ATG16L1: variants seen among roughly 807,000 people sequenced by gnomAD.
ATG16L1 encodes autophagy-related protein 16-1.
In ATG16L1, 37 loss-of-function variants were observed where a neutral mutation model predicts 88.5. That is an observed-to-expected ratio of 0.42 (90% CI 0.32 to 0.55). The LOEUF (loss-of-function observed/expected upper bound fraction) is 0.55. Among genes scored for constraint, ATG16L1 ranks in the 20% least tolerant of loss-of-function variants. The probability of loss-of-function intolerance (pLI) is 0.13; values close to 1 mark genes in which losing one functional copy is unlikely to be tolerated. For synonymous variants in ATG16L1, 301 were observed against 281.0 expected (o/e 1.07, Z -0.71); for missense variants, 554 against 752.8 (o/e 0.74, Z 3.09).
intron 5 of ATG16L1, among the ~76,000 whole-genome samples, chr2:233,267,357 A>G (rs1258575362): frequency 6.6e-6 from 1 of 152,206 alleles, no homozygotes; most frequent in Non-Finnish European, 1.5e-5. Context: ...TCAAAAGCAA[A>G]ACGAAAAGAA....
intron 12 of ATG16L1, among the ~76,000 whole-genome samples, chr2:233,287,568 TA>T (rs1699168292): frequency 6.6e-6 from 1 of 152,324 alleles, no homozygotes; most frequent in Admixed American, 6.5e-5. Context: ...GAAATTTTGA[TA>T]AAATAGTTAT....
At chr2:233,275,646 G>T (rs191490563) in intron 9 of ATG16L1, 8 of 477,392 alleles carry the variant, frequency 1.7e-5, no homozygotes, top group African/African-American at 1.2e-4. Context: ...TTTGGAGGAG[G>T]AGTTGGGATG....
intron 6 of ATG16L1, among the ~76,000 whole-genome samples, chr2:233,270,815 A>G (rs1158709355): frequency 6.6e-6 from 1 of 152,202 alleles, no homozygotes; most frequent in African/African-American, 2.4e-5. Context: ...TAGTGGTAGA[A>G]AAGAGTTTCC....
chr2:233,278,192 C>T (rs1698500341), intron 10 of ATG16L1, among the ~76,000 whole-genome samples: 1 of 152,134 alleles, frequency 6.6e-6, no homozygotes, highest in Non-Finnish European at 1.5e-5. Flanking sequence ...GACGAGGGCC[C>T]TTAGATCAAG....
At chr2:233,253,340 G>T (rs7603653) in intron 1 of ATG16L1, among the ~76,000 whole-genome samples, 49,626 of 108,310 alleles carry the variant, frequency 0.46, 11,528 homozygotes, top group South Asian at 0.54. Context: ...GGGTTTTTTT[G>T]TTTTTTTTTT....
chr2:233,263,318 C>A (rs1697346170), intron 3 of ATG16L1, 83 bp downstream of exon 3: 2 of 1,237,080 alleles, frequency 1.6e-6, no homozygotes, highest in Non-Finnish European at 2.3e-6. Context: ...CACTTCTCAC[C>A]AGAATTGGCA....
chr2:233,271,305 T>C (rs1559391697), intron 6 of ATG16L1, among the ~76,000 whole-genome samples: 1 of 152,206 alleles, frequency 6.6e-6, no homozygotes, highest in Non-Finnish European at 1.5e-5. Flanking sequence ...TGAGATGGAG[T>C]TTCACTCTTG....
At chr2:233,280,811 C>G (rs1698674215) in intron 10 of ATG16L1, among the ~76,000 whole-genome samples, 1 of 152,120 alleles carries the variant, frequency 6.6e-6, no homozygotes, top group South Asian at 2.1e-4. Context: ...TTTATAAATT[C>G]CTACACTTTG....
In ATG16L1 at chr2:233,274,504, G is replaced by A. The variant is rs113960491; in HGVS notation, c.852-172G>A. On this transcript the variant is annotated intron_variant, in intron 8 of 17. Transcript: ENST00000392017. Reference sequence around the variant, plus strand: ...TGGCTCTCTTTCTCATTTGAGTGAGGGTGCTTTTGATTTTTTTGTGAATTG... The same window carrying A: ...TGGCTCTCTTTCTCATTTGAGTGAGAGTGCTTTTGATTTTTTTGTGAATTG... 610 of 528,010 alleles carry A rather than the reference G, an allele frequency of 1.2e-3. 1 individual carries two copies. The highest frequency in any genetic ancestry group is 1.1e-3 in the Non-Finnish European group (318 of 295,680). 32.7% of individuals were successfully genotyped at this position (528,010 alleles called of 1,614,324 possible).
intron 10 of ATG16L1, among the ~76,000 whole-genome samples, chr2:233,279,933 T>C (rs1698615379): frequency 6.6e-6 from 1 of 152,248 alleles, no homozygotes; most frequent in Admixed American, 6.5e-5. Context: ...GAGATATTTC[T>C]TAGAATTTGC....
Position 233,256,168 on chromosome 2 carries a change from A to G in ATG16L1, c.182A>G (p.His61Arg), listed in dbSNP as rs754870237. 3.1e-6 allele frequency: 5 copies of G among 1,614,180 alleles called. No homozygotes were observed. The highest frequency in any genetic ancestry group is 4.5e-5 in the East Asian group (2 of 44,874). Residue 61 changes from histidine to arginine, a missense_variant, in exon 2 of 18, where the codon CAT (histidine) becomes CGT (arginine). This residue lies in a region of ATG16L1 where 101 missense variants were observed against 107.0 expected (regional missense o/e 0.94). Transcript: ENST00000392017. ...GCCCAGAAACTACAGGCTGAAAAGC[A>G]TGACGTACCAAACAGGCACGAGATA... ...VLAQKLQAEKHDVPNRHEISP... is the reference protein window; with the variant it reads ...VLAQKLQAEKRDVPNRHEISP...
At chr2:233,292,092 C>A in intron 14 of ATG16L1, 36 bp from the exon 15 acceptor site, 1 of 1,607,332 alleles carries the variant, frequency 6.2e-7, no homozygotes, top group South Asian at 1.1e-5. Context: ...TAGTTCTGGC[C>A]TACGTTACAT....
chr2:233,259,134 T>C (rs1697020162), intron 2 of ATG16L1, among the ~76,000 whole-genome samples: 1 of 152,022 alleles, frequency 6.6e-6, no homozygotes, highest in African/African-American at 2.4e-5. Context: ...GGAGAACAGG[T>C]CTCAAATCCA....
chr2:233,263,007 A>T (rs765847294), intron 2 of ATG16L1, 123 bp from the exon 3 acceptor site: 1 of 835,578 alleles, frequency 1.2e-6, no homozygotes, highest in Non-Finnish European at 2.0e-6. Context: ...CGAATGGTTT[A>T]TTGGCTTTGT....
At chr2:233,278,566 A>G (rs1698528730) in intron 10 of ATG16L1, among the ~76,000 whole-genome samples, 2 of 152,350 alleles carry the variant, frequency 1.3e-5, no homozygotes, top group South Asian at 2.1e-4. Context: ...AAACTCAGAT[A>G]CTACGTGATT....
At chr2:233,254,914 TG>T (rs1475949385) in intron 1 of ATG16L1, among the ~76,000 whole-genome samples, 1 of 152,184 alleles carries the variant, frequency 6.6e-6, no homozygotes, top group Non-Finnish European at 1.5e-5. Flanking sequence ...TACCCACATC[TG>T]ATCTTACTGG....
chr2:233,258,775 C>T (rs6431661), intron 2 of ATG16L1, among the ~76,000 whole-genome samples: 63,307 of 151,896 alleles, frequency 0.42, 14,304 homozygotes, highest in Non-Finnish European at 0.52. Flanking sequence ...TGGCTTACTG[C>T]GGCCTCAACT....
At chr2:233,277,180 T>A (rs72976324) in intron 9 of ATG16L1, 6 of 160,144 alleles carry the variant, frequency 3.7e-5, no homozygotes, top group African/African-American at 1.4e-4. Context: ...ATTAGTAAAT[T>A]AGTAATTACT....
chr2:233,258,436 C>T (rs1439712702), intron 2 of ATG16L1, among the ~76,000 whole-genome samples: 1 of 152,160 alleles, frequency 6.6e-6, no homozygotes, highest in African/African-American at 2.4e-5. Flanking sequence ...AGCTTCCATC[C>T]TTGCTTTGTA....
Sources: allele counts gnomAD v4.1 joint callset (sites outside exome capture counted in the v4.1 genomes callset), GRCh38; gene constraint gnomAD v4.1.1; regional missense constraint gnomAD v4.1.1; transcripts MANE v1.5; gene names NCBI Gene and HGNC (gene_info 2026-07-23, HGNC 2026-07-21).